IQCE: variants seen among roughly 807,000 people sequenced by gnomAD.
IQCE encodes the protein IQ domain-containing protein E.
A neutral mutation model predicts 96.0 loss-of-function variants in IQCE; 115 were observed. That is an observed-to-expected ratio of 1.20 (90% confidence interval 1.03 to 1.40). The LOEUF (loss-of-function observed/expected upper bound fraction) is 1.40, where lower values mean the gene tolerates loss of function less well. Ranked by LOEUF, IQCE falls within the 40% of genes most tolerant of loss-of-function variation. The pLI, the probability that IQCE is intolerant of heterozygous loss-of-function variation, is 0.00. For synonymous variants in IQCE, 412 were observed against 371.2 expected (o/e 1.11, Z -1.26); for missense variants, 1,041 against 909.1 (o/e 1.15, Z -1.87).
Position 2,611,043 on chromosome 7 carries a change from G to T in IQCE, c.*881G>T, listed in dbSNP as rs867203459. The T allele has an allele frequency of 2.0e-5, 3 of 151,348 alleles. No homozygotes were observed. The highest frequency in any genetic ancestry group is 7.4e-5 in the African/African-American group (3 of 40,768). 9.4% of individuals were successfully genotyped at this position (151,348 alleles called of 1,614,324 possible). Reference sequence around the variant, plus strand: ...ACAGCATAGGCTCGTGGTGGGGCGTGTTGCATCTGGTGTCTGGGACAGTCC... The same window carrying T: ...ACAGCATAGGCTCGTGGTGGGGCGTTTTGCATCTGGTGTCTGGGACAGTCC... On this transcript the variant is annotated 3_prime_UTR_variant, in exon 22 of 22. Transcript: ENST00000402050.
chr7:2,595,399 A>G (rs1278953469), intron 16 of IQCE, among the ~76,000 whole-genome samples: 2 of 152,080 alleles, frequency 1.3e-5, no homozygotes, highest in Non-Finnish European at 2.9e-5. Context: ...CTCAGCGGGC[A>G]CTGCCCTCTG....
At chr7:2,565,256 C>T (rs10156198) in intron 1 of IQCE, among the ~76,000 whole-genome samples, 12,666 of 148,428 alleles carry the variant, frequency 0.085, 595 homozygotes, top group Middle Eastern at 0.16. Flanking sequence ...TGTGTGCATG[C>T]GTGTGTGTGT....
chr7:2,560,706 C>T (rs981164800), intron 1 of IQCE, among the ~76,000 whole-genome samples: 13 of 151,850 alleles, frequency 8.6e-5, no homozygotes, highest in African/African-American at 3.1e-4. Flanking sequence ...GCCTGTAATC[C>T]CAGCACTTTG....
intron 1 of IQCE, among the ~76,000 whole-genome samples, chr7:2,566,815 A>G (rs917955736): frequency 2.6e-5 from 4 of 152,214 alleles, no homozygotes; most frequent in Non-Finnish European, 5.9e-5. Context: ...TTCAGCAAGA[A>G]CTGGTTTTGT....
At chr7:2,580,718 A>C (rs1782599124) in intron 8 of IQCE, among the ~76,000 whole-genome samples, 1 of 152,160 alleles carries the variant, frequency 6.6e-6, no homozygotes, top group South Asian at 2.1e-4. Context: ...GATTTGTTGA[A>C]TGTTAGAATA....
chr7:2,577,847 G>T (rs1487608025), intron 6 of IQCE, among the ~76,000 whole-genome samples: 8 of 142,118 alleles, frequency 5.6e-5, no homozygotes, highest in Non-Finnish European at 1.1e-4. Context: ...GCGCGCATTG[G>T]CGTGTGCGTG....
chr7:2,571,420 C>T lies in IQCE; in HGVS notation c.131-106C>T, dbSNP rs547832975. On this transcript the variant is annotated intron_variant, in intron 3 of 21. Coordinates refer to ENST00000402050, the MANE Select transcript of IQCE (RefSeq NM_152558.5). ...TTGCCAGAATGTTTGACTAGAGTCA[C>T]CACGCTCGTGGATTTTGTTTTCCTA... 32 of 1,430,644 alleles carry T rather than the reference C, an allele frequency of 2.2e-5. No homozygotes were observed. The Middle Eastern group carries it at 1.4e-3, about 63-fold the overall frequency. 88.6% of individuals were successfully genotyped at this position (1,430,644 alleles called of 1,614,324 possible). A position where few individuals can be genotyped will look rare whatever the true frequency, so the allele number is the denominator to read the frequency against.
chr7:2,578,832 A>G (rs1296199486), intron 8 of IQCE, among the ~76,000 whole-genome samples: 1 of 152,186 alleles, frequency 6.6e-6, no homozygotes, highest in Non-Finnish European at 1.5e-5. Flanking sequence ...AGGCCGAGGC[A>G]GGCAGATCAC....
rs544692585 is a variant in IQCE, at chr7:2,614,376, C to T, written c.*4214C>T. The T allele has an allele frequency of 2.0e-5, 3 of 152,338 alleles. No homozygotes were observed. The highest frequency in any genetic ancestry group is 7.2e-5 in the African/African-American group (3 of 41,582). 9.4% of individuals were successfully genotyped at this position (152,338 alleles called of 1,614,324 possible). ...AGGACCAGGGAGTTGACACACAAAC[C>T]CCGCCATGGGTCCGAGCCAGCTATT... On this transcript the variant is annotated 3_prime_UTR_variant, in exon 22 of 22. Coordinates refer to ENST00000402050, the MANE Select transcript of IQCE (RefSeq NM_152558.5).
chr7:2,586,368 CAG>C lies in IQCE; in HGVS notation c.986_987del (p.Gln329ArgfsTer151), dbSNP rs1223888709. 7 of 1,610,736 alleles carry C rather than the reference CAG, an allele frequency of 4.3e-6. No homozygotes were observed. In the East Asian group the frequency reaches 6.7e-5, roughly 15 times the overall value. ...CACCTCCCCAACCATCTCCAAGACA[CAG>C]GGTACCTTCCTGAAAGCCACTCCAG... ...LSTSPTISKTQGYVEWSKPRL... is the reference protein window; with the variant it reads ...LSTSPTISKTXGYVEWSKPRL... On this transcript the variant is annotated frameshift_variant and splice_region_variant, in exon 12 of 22. Coordinates refer to ENST00000402050, the MANE Select transcript of IQCE (RefSeq NM_152558.5). LOFTEE classifies it high-confidence loss of function.
chr7:2,606,844 C>T (rs986087969), intron 20 of IQCE, among the ~76,000 whole-genome samples: 29 of 152,142 alleles, frequency 1.9e-4, no homozygotes, highest in Non-Finnish European at 2.9e-5. Context: ...AGACAGGGAA[C>T]GGAGCCGTCT....
intron 15 of IQCE, 143 bp downstream of exon 15, chr7:2,593,269 T>C (rs1400298914): frequency 7.4e-7 from 1 of 1,344,534 alleles, no homozygotes; most frequent in African/African-American, 1.5e-5. Context: ...CATGGTTTTC[T>C]GTCACCCAGC....
chr7:2,607,174 C>T lies in IQCE; in HGVS notation c.1916C>T (p.Ala639Val), dbSNP rs200192847. 8.1e-6 allele frequency: 13 copies of T among 1,613,214 alleles called. No individual in the cohort carries two copies. The highest frequency in any genetic ancestry group is 1.1e-5 in the Non-Finnish European group (13 of 1,179,628). ...TTAASTRRRS[A>V]SATHGDASSP... ...GCAGCTTCTACCAGGAGGAGATCGGCTTCAGCCACACACGGGGACGCCTCC... is the reference window on the plus strand; with the variant it reads ...GCAGCTTCTACCAGGAGGAGATCGGTTTCAGCCACACACGGGGACGCCTCC... The change falls in exon 21 of 22, where the codon GCT becomes GTT. Residue 639 changes from alanine to valine, a missense_variant. Transcript: ENST00000402050.
At chr7:2,572,059 A>G (rs1314794540) in intron 4 of IQCE, 133 bp from the exon 5 acceptor site, 1 of 943,718 alleles carries the variant, frequency 1.1e-6, no homozygotes, top group East Asian at 2.4e-5. Context: ...TTAACCATTT[A>G]CCAGCACGAC....
chr7:2,598,796 C>T, intron 17 of IQCE, 164 bp downstream of exon 17: 1 of 517,646 alleles, frequency 1.9e-6, no homozygotes, highest in Non-Finnish European at 3.1e-6. Flanking sequence ...ACGCTGACAC[C>T]TCCGTTCTGG....
In IQCE at chr7:2,578,515, G is replaced by A. The variant is rs764467415; in HGVS notation, c.619G>A (p.Asp207Asn). The part of the protein sequence containing the change: ...FVRTLAEKRP[D>N]ASWVINGLKQ... ...TCGGACTCTGGCAGAGAAAAGGCCC[G>A]ATGCCAGTTGGGTGAGTATGGTGTG... Residue 207 changes from aspartate to asparagine, a missense_variant, in exon 8 of 22, where the codon GAT (aspartate) becomes AAT (asparagine). Coordinates refer to ENST00000402050, the MANE Select transcript of IQCE (RefSeq NM_152558.5). 3.7e-6 allele frequency: 6 copies of A among 1,614,180 alleles called. No individual in the cohort carries two copies. The highest frequency in any genetic ancestry group is 4.2e-6 in the Non-Finnish European group (5 of 1,180,024).
rs150051088 is a variant in IQCE, at chr7:2,593,681, C to T, written c.1349+555C>T. Among the ~76,000 whole-genome samples, 874 of 152,304 alleles carry T rather than the reference C, an allele frequency of 5.7e-3. 11 individuals carry two copies. Among genetic ancestry groups the T allele is most frequent in the African/African-American group, 0.017 (720 of 41,578 alleles). ...TTCCTTGCGCAGGAAATGTCCAGAA[C>T]GGGCGGACCCACGTGACAAGTGCTG... On this transcript the variant is annotated intron_variant, in intron 15 of 21. Coordinates refer to ENST00000402050, the MANE Select transcript of IQCE (RefSeq NM_152558.5).
intron 11 of IQCE, chr7:2,584,646 C>T (rs897903681): frequency 9.2e-6 from 2 of 217,558 alleles, no homozygotes; most frequent in South Asian, 8.3e-5. Context: ...TAATGTTTTC[C>T]TAAATAAGTT....
chr7:2,605,369 C>G (rs1339835430), intron 19 of IQCE, among the ~76,000 whole-genome samples: 3 of 152,120 alleles, frequency 2.0e-5, no homozygotes, highest in Non-Finnish European at 2.9e-5. Context: ...ACCTGTAATC[C>G]CAGCACTTTT....
Sources: gnomAD v4.1 joint callset for allele counts (sites outside exome capture counted in the v4.1 genomes callset) on GRCh38, gnomAD v4.1.1 for gene constraint, MANE v1.5 for transcripts, NCBI Gene and HGNC (gene_info 2026-07-23, HGNC 2026-07-21) for gene names.